The following CLHC1 variants were observed in gnomAD, a reference collection of about 807,000 sequenced individuals.
The protein encoded by CLHC1 is clathrin heavy chain linker domain-containing protein 1.
Under a neutral mutation model 69.5 loss-of-function variants are expected in CLHC1, and 72 were observed. The observed-to-expected ratio is 1.04, with a 90% CI of 0.86 to 1.26. The LOEUF (loss-of-function observed/expected upper bound fraction) is 1.26. CLHC1 is among the 50% of genes most tolerant of loss of function. The pLI is 0.00. For missense variants in CLHC1, 790 were observed against 679.3 expected (o/e 1.16, Z -1.81); for synonymous variants, 223 against 224.3 (o/e 0.99, Z 0.05).
chr2:55,175,691 T>C lies in CLHC1; in HGVS notation c.*99A>G, dbSNP rs544953937. 8.8e-5 allele frequency: 64 copies of C among 725,524 alleles called. No homozygotes were observed. The highest frequency in any genetic ancestry group is 1.4e-4 in the Non-Finnish European group (60 of 442,658). 44.9% of individuals were successfully genotyped at this position (725,524 alleles called of 1,614,324 possible). A position where few individuals can be genotyped will look rare whatever the true frequency, so the allele number is the denominator to read the frequency against. On this transcript the variant is annotated 3_prime_UTR_variant, in exon 13 of 13. Coordinates refer to ENST00000401408, the MANE Select transcript of CLHC1 (RefSeq NM_152385.4). The stretch of plus-strand genomic sequence containing the variant: ...TGATTTATTTCTGAGATCTTCTTAC[T>C]CTAGATTTATTTATAAGTTAGTTAC...
In CLHC1 at chr2:55,181,691, G is replaced by A. The variant is rs756437727; in HGVS notation, c.1060C>T (p.Leu354Phe). ...PLPLLLFFEA[L>F]FITSHAFPCP... ...GGAAAAGCATGACTTGTGATAAAGA[G>A]GGCCTCAAAAAATAAGAGTAATGGA... The change falls in exon 10 of 13, where the codon CTC becomes TTC. Residue 354 changes from leucine to phenylalanine, a missense_variant. By Grantham distance (22) the Leu-to-Phe change is conservative. Coordinates refer to ENST00000401408, the MANE Select transcript of CLHC1 (RefSeq NM_152385.4). 20 of 1,613,628 alleles carry A rather than the reference G, an allele frequency of 1.2e-5. No individual in the cohort carries two copies. The highest frequency in any genetic ancestry group is 4.5e-5 in the East Asian group (2 of 44,834).
intron 2 of CLHC1, among the ~76,000 whole-genome samples, chr2:55,227,456 G>A (rs557652417): frequency 2.6e-5 from 4 of 152,200 alleles, no homozygotes; most frequent in Admixed American, 2.6e-4. Flanking sequence ...GAGGCAGGCA[G>A]ATCACGAGAT....
Position 55,173,305 on chromosome 2 carries a change from A to G in CLHC1, c.*2485T>C, listed in dbSNP as rs1669113790. On this transcript the variant is annotated 3_prime_UTR_variant, in exon 13 of 13. Coordinates refer to ENST00000401408, the MANE Select transcript of CLHC1 (RefSeq NM_152385.4). ...TATTAGATAATGCTAAGGAATTATTATTAGTAACTTTTAAAATACGTTGTG... is the reference window on the plus strand; with the variant it reads ...TATTAGATAATGCTAAGGAATTATTGTTAGTAACTTTTAAAATACGTTGTG... Among the ~76,000 whole-genome samples, 1 of 152,250 alleles carries G rather than the reference A, an allele frequency of 6.6e-6. No homozygotes were observed. The highest frequency in any genetic ancestry group is 2.4e-5 in the African/African-American group (1 of 41,466).
intron 12 of CLHC1, among the ~76,000 whole-genome samples, chr2:55,176,269 A>G (rs190597019): frequency 6.6e-4 from 100 of 152,284 alleles, no homozygotes; most frequent in African/African-American, 2.3e-3. Flanking sequence ...CTTCTTGTTA[A>G]GGCAGCAGAT....
chr2:55,213,121 G>A (rs1320606405), intron 4 of CLHC1, among the ~76,000 whole-genome samples: 1 of 152,156 alleles, frequency 6.6e-6, no homozygotes, highest in Non-Finnish European at 1.5e-5. Flanking sequence ...AATTATATTA[G>A]TTTCCTGTGG....
intron 2 of CLHC1, among the ~76,000 whole-genome samples, chr2:55,227,823 T>C (rs1363916858): frequency 1.3e-5 from 2 of 148,418 alleles, no homozygotes; most frequent in Non-Finnish European, 3.0e-5. Flanking sequence ...CTTGGCCTAT[T>C]AGTGCCCTTC....
At chr2:55,199,409 T>C (rs960434709) in intron 9 of CLHC1, among the ~76,000 whole-genome samples, 10 of 151,210 alleles carry the variant, frequency 6.6e-5, no homozygotes, top group African/African-American at 2.4e-4. Context: ...CTGCTAATAG[T>C]AAGTTCACAC....
At chr2:55,177,355 TA>T (rs1176268480) in intron 12 of CLHC1, among the ~76,000 whole-genome samples, 1 of 152,214 alleles carries the variant, frequency 6.6e-6, no homozygotes, top group East Asian at 1.9e-4. Flanking sequence ...TTAGTGATCA[TA>T]ATTATTGTAA....
intron 1 of CLHC1, among the ~76,000 whole-genome samples, chr2:55,231,119 G>T (rs906501938): frequency 6.6e-6 from 1 of 151,932 alleles, no homozygotes; most frequent in Non-Finnish European, 1.5e-5. Flanking sequence ...GTGTGGTGGT[G>T]GGCGCCTGTA....
At chr2:55,223,498 T>C (rs1331669513) in intron 2 of CLHC1, among the ~76,000 whole-genome samples, 1 of 152,086 alleles carries the variant, frequency 6.6e-6, no homozygotes, top group East Asian at 1.9e-4. Context: ...CGGGACTGAG[T>C]TCCGCGCCGG....
chr2:55,231,056 C>T (rs1199940891), intron 1 of CLHC1, among the ~76,000 whole-genome samples: 1 of 152,078 alleles, frequency 6.6e-6, no homozygotes, highest in African/African-American at 2.4e-5. Context: ...TAGAGAACAG[C>T]CTGGCCAACA....
intron 9 of CLHC1, among the ~76,000 whole-genome samples, chr2:55,196,913 A>G (rs1671479827): frequency 6.6e-6 from 1 of 152,228 alleles, no homozygotes; most frequent in Non-Finnish European, 1.5e-5. Context: ...CAATTCCAGC[A>G]CTTCGTTCTT....
intron 4 of CLHC1, 112 bp downstream of exon 4, chr2:55,217,699 A>T: frequency 1.7e-6 from 1 of 583,146 alleles, no homozygotes; most frequent in Non-Finnish European, 2.8e-6. Flanking sequence ...TGCATCATTT[A>T]AATAAAATTG....
intron 11 of CLHC1, among the ~76,000 whole-genome samples, chr2:55,178,611 T>G (rs1166849876): frequency 6.6e-6 from 1 of 152,098 alleles, no homozygotes; most frequent in Non-Finnish European, 1.5e-5. Flanking sequence ...GCCTCAGCCT[T>G]CCCAGTAGCT....
chr2:55,186,773 T>G (rs1332975892), intron 9 of CLHC1, among the ~76,000 whole-genome samples: 1 of 151,802 alleles, frequency 6.6e-6, no homozygotes, highest in African/African-American at 2.4e-5. Context: ...AGACCCTGTC[T>G]CAAAAAAAAT....
rs1368267410 is a variant in CLHC1 at position 55,206,509 on chromosome 2, T to C, written c.900-133A>G. The C allele has an allele frequency of 7.7e-6, 5 of 647,404 alleles. No individual in the cohort carries two copies. In the East Asian group the frequency reaches 8.2e-5, roughly 11 times the overall value. The allele number at this position is 647,404 out of a possible 1,614,324, so 40.1% of individuals were successfully genotyped here. On this transcript the variant is annotated intron_variant, in intron 8 of 12. Coordinates refer to ENST00000401408, the MANE Select transcript of CLHC1 (RefSeq NM_152385.4). The stretch of plus-strand genomic sequence containing the variant: ...AAAACAAAAAGGAATTCTAATAAAC[T>C]ATAACTAGAATCATTCACACTGTAA...
At chr2:55,192,223 G>A (rs769800109) in intron 9 of CLHC1, among the ~76,000 whole-genome samples, 5 of 151,992 alleles carry the variant, frequency 3.3e-5, no homozygotes, top group South Asian at 2.1e-4. Flanking sequence ...GGGTTCAAGC[G>A]ATTCTCCTGC....
chr2:55,188,150 C>CA (rs905563807), intron 9 of CLHC1, among the ~76,000 whole-genome samples: 6 of 151,840 alleles, frequency 4.0e-5, no homozygotes, highest in African/African-American at 4.8e-5. Context: ...TCCATCTGTA[C>CA]AAAAAATTTT....
At position 55,206,257 on chromosome 2, in the gene CLHC1, G is replaced by A. The variant is rs775910003; in HGVS notation, c.1006+13C>T. 3.7e-5 allele frequency: 54 copies of A among 1,445,400 alleles called. 1 individual carries two copies. In the South Asian group the frequency reaches 6.1e-4, roughly 16 times the overall value. The allele number at this position is 1,445,400 out of a possible 1,614,324, so 89.5% of individuals were successfully genotyped here. On this transcript the variant is annotated intron_variant, in intron 9 of 12. Transcript: ENST00000401408. Reference sequence around the variant, plus strand: ...TTTTCATACATATATAAGGTTCAGAGAGAAATGCTTACCCTTAAATGTATT... The same window carrying A: ...TTTTCATACATATATAAGGTTCAGAAAGAAATGCTTACCCTTAAATGTATT...
Sources: allele counts gnomAD v4.1 joint callset (sites outside exome capture counted in the v4.1 genomes callset), GRCh38; gene constraint gnomAD v4.1.1; transcripts MANE v1.5; gene names NCBI Gene and HGNC (gene_info 2026-07-23, HGNC 2026-07-21).